Variants in CAPZB observed in about 807,000 individuals in gnomAD.
The protein encoded by CAPZB is capping actin protein of muscle Z-line subunit beta.
CAPZB carries 2 observed loss-of-function variants against 38.1 expected under a neutral mutation model. That is an observed-to-expected ratio of 0.05 (90% confidence interval 0.02 to 0.17). CAPZB has a LOEUF of 0.17. Ranked by LOEUF, CAPZB falls within the 10% of genes least tolerant of loss-of-function variation. The probability of loss-of-function intolerance (pLI) is 1.00; values close to 1 mark genes in which losing one functional copy is unlikely to be tolerated. For synonymous variants in CAPZB, 107 were observed against 127.4 expected (o/e 0.84, Z 1.08); for missense variants, 161 against 334.2 (o/e 0.48, Z 4.04).
intron 3 of CAPZB, among the ~76,000 whole-genome samples, chr1:19,379,319 A>G (rs2094161538): frequency 6.6e-6 from 1 of 152,014 alleles, no homozygotes; most frequent in African/African-American, 2.4e-5. Flanking sequence ...GGCTGGTCTC[A>G]AACTCCTGGC....
chr1:19,390,981 C>G (rs1248428068), intron 2 of CAPZB, among the ~76,000 whole-genome samples: 1 of 152,142 alleles, frequency 6.6e-6, no homozygotes, highest in Non-Finnish European at 1.5e-5. Flanking sequence ...ACCGGAGCCA[C>G]GCAGCTACGG....
intron 2 of CAPZB, among the ~76,000 whole-genome samples, chr1:19,398,618 A>G (rs2094285892): frequency 6.6e-6 from 1 of 151,852 alleles, no homozygotes; most frequent in Admixed American, 6.6e-5. Flanking sequence ...AATGTTTCAC[A>G]CTGGATTCCT....
rs1293901966 is a variant in CAPZB, at chr1:19,421,111, T to C, written c.4-1361A>G. On this transcript the variant is annotated intron_variant, in intron 1 of 8. Transcript: ENST00000264202. Reference sequence around the variant, plus strand: ...CACTATCTGATTTGTATCTGGAATCTGCTCTGCTCAGACCAATTTCAGGAT... The same window carrying C: ...CACTATCTGATTTGTATCTGGAATCCGCTCTGCTCAGACCAATTTCAGGAT... Among the ~76,000 whole-genome samples the C allele has an allele frequency of 3.9e-5, 6 of 152,360 alleles. No homozygotes were observed. In the East Asian group the frequency reaches 1.2e-3, roughly 29 times the overall value.
intron 2 of CAPZB, among the ~76,000 whole-genome samples, chr1:19,399,613 G>A (rs192708485): frequency 2.8e-3 from 423 of 152,316 alleles, no homozygotes; most frequent in Middle Eastern, 0.014. Flanking sequence ...GCAATGGATG[G>A]TTCTCTGAGA....
intron 1 of CAPZB, among the ~76,000 whole-genome samples, chr1:19,434,971 T>G (rs1375668852): frequency 1.3e-5 from 1 of 79,482 alleles, no homozygotes; most frequent in African/African-American, 3.8e-5. Flanking sequence ...AGTCAAAAAG[T>G]TTTTTTTTTC....
rs114820883 is a variant in CAPZB, at chr1:19,413,197, C to T, written c.93+6464G>A. Among the ~76,000 whole-genome samples, 1,002 of 152,238 alleles carry T rather than the reference C, an allele frequency of 6.6e-3. 9 individuals carry two copies. The highest frequency in any genetic ancestry group is 0.021 in the African/African-American group (892 of 41,542). On this transcript the variant is annotated intron_variant, in intron 2 of 8. Transcript: ENST00000264202. ...GCTGAAGAATCCTTGCATTTTGACCCGTGGAGGAGAAGGCAAGGAATAAAG... is the reference window on the plus strand; with the variant it reads ...GCTGAAGAATCCTTGCATTTTGACCTGTGGAGGAGAAGGCAAGGAATAAAG...
chr1:19,427,584 G>T (rs1470313956), intron 1 of CAPZB, among the ~76,000 whole-genome samples: 1 of 152,226 alleles, frequency 6.6e-6, no homozygotes, highest in Non-Finnish European at 1.5e-5. Context: ...TCCTGGGCCG[G>T]CCCAGCCGAC....
intron 6 of CAPZB, among the ~76,000 whole-genome samples, chr1:19,352,404 T>C (rs1347976557): frequency 6.6e-6 from 1 of 152,198 alleles, no homozygotes; most frequent in African/African-American, 2.4e-5. Flanking sequence ...CAAACGAACA[T>C]CTGCAGGGCC....
chr1:19,355,538 A>G (rs1022349179), intron 6 of CAPZB, among the ~76,000 whole-genome samples: 13 of 152,094 alleles, frequency 8.5e-5, no homozygotes, highest in African/African-American at 3.1e-4. Flanking sequence ...CCTTTCGGTC[A>G]TATTTTTTCT....
At chr1:19,374,713 C>T (rs999315058) in intron 4 of CAPZB, among the ~76,000 whole-genome samples, 2 of 152,238 alleles carry the variant, frequency 1.3e-5, no homozygotes, top group Non-Finnish European at 2.9e-5. Flanking sequence ...CAGCCACTTT[C>T]CTGGCCCCTC....
At chr1:19,385,674 C>A in intron 2 of CAPZB, 48 bp from the exon 3 acceptor site, 1 of 1,613,664 alleles carries the variant, frequency 6.2e-7, no homozygotes, top group Non-Finnish European at 8.5e-7. Flanking sequence ...AAACAGCACA[C>A]CAAACTCAGG....
At chr1:19,385,360 GGA>G in intron 3 of CAPZB, 143 bp downstream of exon 3, 1 of 772,292 alleles carries the variant, frequency 1.3e-6, no homozygotes. Flanking sequence ...AGAGAAGAAA[GGA>G]GAGGAGGGCA....
At chr1:19,371,137 T>C (rs568277370) in intron 4 of CAPZB, among the ~76,000 whole-genome samples, 8 of 152,290 alleles carry the variant, frequency 5.3e-5, no homozygotes, top group East Asian at 1.9e-4. Context: ...ATGATGTGGA[T>C]TGAGCAGGAA....
rs757726076 is a variant in CAPZB at position 19,344,474 on chromosome 1, G to A, written c.655-40C>T. On this transcript the variant is annotated intron_variant, in intron 7 of 8. Transcript: ENST00000264202. ...GGTCAGCGCAGTGGCAAAAGGTCAGGAACCCTGAGGCCCACGCCCTCCCTC... is the reference window on the plus strand; with the variant it reads ...GGTCAGCGCAGTGGCAAAAGGTCAGAAACCCTGAGGCCCACGCCCTCCCTC... The A allele has an allele frequency of 2.7e-6, 4 of 1,499,966 alleles. No homozygotes were observed. The South Asian group carries it at 3.4e-5, about 13-fold the overall frequency. 92.9% of individuals were successfully genotyped at this position (1,499,966 alleles called of 1,614,324 possible).
At chr1:19,411,190 C>G (rs912778656) in intron 2 of CAPZB, among the ~76,000 whole-genome samples, 1 of 152,008 alleles carries the variant, frequency 6.6e-6, no homozygotes. Flanking sequence ...TGGTGAGACC[C>G]CCATCTCTAT....
intron 8 of CAPZB, 113 bp from the exon 9 acceptor site, chr1:19,339,730 T>A: frequency 1.2e-6 from 1 of 825,878 alleles, no homozygotes; most frequent in Non-Finnish European, 2.1e-6. Context: ...ACCCGCTTCC[T>A]GGGGTGAGGC....
At chr1:19,406,771 G>A (rs910038088) in intron 2 of CAPZB, among the ~76,000 whole-genome samples, 2 of 152,184 alleles carry the variant, frequency 1.3e-5, no homozygotes, top group African/African-American at 4.8e-5. Flanking sequence ...CCTGGCACAC[G>A]ATAGTCATCT....
intron 8 of CAPZB, chr1:19,342,608 T>C: frequency 1.5e-6 from 1 of 645,376 alleles, no homozygotes; most frequent in South Asian, 1.7e-5. Context: ...TACACGGGAA[T>C]GTGGCTGTGC....
intron 1 of CAPZB, among the ~76,000 whole-genome samples, chr1:19,452,798 T>C (rs1234382834): frequency 1.3e-5 from 2 of 148,902 alleles, no homozygotes; most frequent in Non-Finnish European, 3.0e-5. Flanking sequence ...TCTTTCTTTT[T>C]TTTTTTTTTT....
Sources: gnomAD v4.1 joint callset for allele counts (sites outside exome capture counted in the v4.1 genomes callset) on GRCh38, gnomAD v4.1.1 for gene constraint, MANE v1.5 for transcripts, NCBI Gene and HGNC (gene_info 2026-07-23, HGNC 2026-07-21) for gene names.